Variants in PWWP2B observed in about 807,000 individuals in gnomAD.
PWWP2B encodes the protein PWWP domain containing 2B, also known as PWWP domain-containing protein 2B.
A neutral mutation model predicts 15.5 loss-of-function variants in PWWP2B; 9 were observed. That is an observed-to-expected ratio of 0.58 (90% CI 0.35 to 1.02). The LOEUF is 1.02. Among genes scored for constraint, PWWP2B ranks in the 50% least tolerant of loss-of-function variants. The probability of loss-of-function intolerance (pLI) is 0.02; values close to 1 mark genes in which losing one functional copy is unlikely to be tolerated. For missense variants in PWWP2B, 864 were observed against 865.3 expected (o/e 1.00, Z 0.02); for synonymous variants, 474 against 403.6 (o/e 1.17, Z -2.09).
chr10:132,404,466 C>T (rs1036944969), intron 1 of PWWP2B, among the ~76,000 whole-genome samples, 160 bp from the exon 2 acceptor site: 5 of 152,184 alleles, frequency 3.3e-5, no homozygotes, highest in African/African-American at 4.8e-5. Flanking sequence ...GGAGCATGGG[C>T]ATTGGTTTAC....
chr10:132,411,977 G>A lies in PWWP2B; in HGVS notation c.*17-5084G>A, dbSNP rs189017007. 5.4e-4 allele frequency among the ~76,000 whole-genome samples: 83 copies of A among 152,354 alleles called. 1 individual carries two copies. In the East Asian group the frequency reaches 0.015, roughly 28 times the overall value. On this transcript the variant is annotated intron_variant, in intron 2 of 2. Transcript: ENST00000305233. ...CCCACGTGAAGGTTGTAATTATTTT[G>A]TTCCAGAAGGAAACAGAGGCCTGTA...
In PWWP2B at chr10:132,404,803, AC is replaced by A; in HGVS notation, c.308del (p.Pro103ArgfsTer83). On this transcript the variant is annotated frameshift_variant, in exon 2 of 3. Coordinates refer to ENST00000305233, the MANE Select transcript of PWWP2B (RefSeq NM_138499.4). LOFTEE classifies it high-confidence loss of function. ...CCCCCGAGACCACCCGCCCCGAGCCACCCCCGCCCCTCGTGCCGCCGCTGCC... is the reference window on the plus strand; with the variant it reads ...CCCCCGAGACCACCCGCCCCGAGCCACCCCGCCCCTCGTGCCGCCGCTGCC... ...QPPETTRPEP[P>X]PPLVPPLPAG... is the part of the protein sequence containing the mutation. The A allele has an allele frequency of 5.3e-6, 4 of 760,002 alleles. No homozygotes were observed. The highest frequency in any genetic ancestry group is 7.4e-6 in the Non-Finnish European group (4 of 540,652). The allele number at this position is 760,002 out of a possible 1,614,324, so 47.1% of individuals were successfully genotyped here. A position where few individuals can be genotyped will look rare whatever the true frequency, so the allele number is the denominator to read the frequency against.
Position 132,406,038 on chromosome 10 carries a change from T to A in PWWP2B, c.1538T>A (p.Leu513His). The A allele has an allele frequency of 6.2e-7, 1 of 1,613,762 alleles. No individual in the cohort carries two copies. Among genetic ancestry groups the A allele is most frequent in the Non-Finnish European group, 8.5e-7 (1 of 1,179,956 alleles). The change falls in exon 2 of 3, where the codon CTC becomes CAC. Residue 513 changes from leucine (L) to histidine (H), a missense_variant. This residue lies in a region of PWWP2B where 128 missense variants were observed against 177.6 expected (regional missense o/e 0.72). Coordinates refer to ENST00000305233, the MANE Select transcript of PWWP2B (RefSeq NM_138499.4). ...CCGGCGCGTGTTCTTGACATCAGTC[T>A]CGGCCAGAAGGAGGACGGAGAGCCG... Reference protein sequence around the residue: ...WWPARVLDISLGQKEDGEPSW... With the variant: ...WWPARVLDISHGQKEDGEPSW...
In PWWP2B at chr10:132,417,428, C is replaced by T. The variant is rs1369312864; in HGVS notation, c.*384C>T. The T allele has an allele frequency of 3.4e-5, 12 of 349,314 alleles. No homozygotes were observed. The highest frequency in any genetic ancestry group is 1.5e-3 in the Middle Eastern group (2 of 1,292). 21.6% of individuals were successfully genotyped at this position (349,314 alleles called of 1,614,324 possible). ...GCTGGGGTCCCATGGAGGAACCAGG[C>T]CTGGCGCCCCGGCCTCGCCCAGCGG... On this transcript the variant is annotated 3_prime_UTR_variant, in exon 3 of 3. Transcript: ENST00000305233.
chr10:132,403,619 G>A (rs375589118), intron 1 of PWWP2B, among the ~76,000 whole-genome samples: 6 of 152,368 alleles, frequency 3.9e-5, no homozygotes, highest in South Asian at 4.1e-4. Flanking sequence ...ACTCTAGGAC[G>A]TGAGCTGCTT....
Position 132,417,294 on chromosome 10 carries a change from G to A in PWWP2B, c.*250G>A, listed in dbSNP as rs1293250211. The A allele has an allele frequency of 1.9e-5, 11 of 573,236 alleles. No individual in the cohort carries two copies. Among genetic ancestry groups the A allele is most frequent in the Non-Finnish European group, 2.8e-5 (9 of 323,064 alleles). The allele number at this position is 573,236 out of a possible 1,614,324, so 35.5% of individuals were successfully genotyped here. On this transcript the variant is annotated 3_prime_UTR_variant, in exon 3 of 3. Coordinates refer to ENST00000305233, the MANE Select transcript of PWWP2B (RefSeq NM_138499.4). ...TCAGCGCATGGCTGCCCTGGCTCAC[G>A]AGGCAGTCGGGACTCGTGACTTGCT...
In PWWP2B at chr10:132,417,199, C is replaced by T. The variant is rs1370532104; in HGVS notation, c.*155C>T. 17 of 1,093,686 alleles carry T rather than the reference C, an allele frequency of 1.6e-5. No individual in the cohort carries two copies. The highest frequency in any genetic ancestry group is 2.4e-5 in the Non-Finnish European group (17 of 716,892). 67.7% of individuals were successfully genotyped at this position (1,093,686 alleles called of 1,614,324 possible). A position where few individuals can be genotyped will look rare whatever the true frequency, so the allele number is the denominator to read the frequency against. On this transcript the variant is annotated 3_prime_UTR_variant, in exon 3 of 3. Transcript: ENST00000305233. ...TGGTGTGAGGCCCCCCGGGGACCGG[C>T]AGTGTGTCCAGGGAGGGGATGGCCC...
chr10:132,415,753 A>AC (rs1183522578), intron 2 of PWWP2B, among the ~76,000 whole-genome samples: 1 of 151,956 alleles, frequency 6.6e-6, no homozygotes, highest in South Asian at 2.1e-4. Context: ...ACACACACAC[A>AC]ATGTTTGGCT....
chr10:132,416,272 T>G (rs1293184768), intron 2 of PWWP2B, among the ~76,000 whole-genome samples: 1 of 152,048 alleles, frequency 6.6e-6, no homozygotes, highest in East Asian at 1.9e-4. Context: ...CGTGGCCCCG[T>G]GCACCCTCGG....
chr10:132,399,866 T>C (rs2069592553), intron 1 of PWWP2B, among the ~76,000 whole-genome samples: 1 of 152,218 alleles, frequency 6.6e-6, no homozygotes, highest in African/African-American at 2.4e-5. Context: ...GCGGAAGGGC[T>C]GGCCTGCCCC....
chr10:132,397,619 C>T (rs2069555066), intron 1 of PWWP2B, among the ~76,000 whole-genome samples: 1 of 151,908 alleles, frequency 6.6e-6, no homozygotes, highest in Non-Finnish European at 1.5e-5. Context: ...GGTCCCGGAA[C>T]TCCACACATC....
At chr10:132,415,932 CCT>C (rs750302668) in intron 2 of PWWP2B, among the ~76,000 whole-genome samples, 1 of 151,934 alleles carries the variant, frequency 6.6e-6, no homozygotes, top group Non-Finnish European at 1.5e-5. Flanking sequence ...GAAAGAATCC[CCT>C]CTTACATTCA....
rs911653247 is a variant in PWWP2B, at chr10:132,405,476, G to A, written c.976G>A (p.Ala326Thr). 2.5e-6 allele frequency: 4 copies of A among 1,605,148 alleles called. No individual in the cohort carries two copies. In the African/African-American group the frequency reaches 4.0e-5, roughly 16 times the overall value. Residue 326 changes from alanine (A) to threonine (T), a missense_variant, in exon 2 of 3, where the codon GCG becomes ACG. Transcript: ENST00000305233. Reference protein sequence around the residue: ...LKLTRPVPAGADLPPPKIRLK... With the variant: ...LKLTRPVPAGTDLPPPKIRLK... ...ACTGACACGGCCTGTGCCGGCCGGC[G>A]CGGACCTGCCGCCCCCTAAGATCCG...
In PWWP2B at chr10:132,397,304, C is replaced by T; in HGVS notation, c.78C>T (p.Ser26=). 1 of 1,430,266 alleles carries T rather than the reference C, an allele frequency of 7.0e-7. No individual in the cohort carries two copies. Among genetic ancestry groups the T allele is most frequent in the Non-Finnish European group, 9.2e-7 (1 of 1,082,072 alleles). The allele number at this position is 1,430,266 out of a possible 1,614,324, so 88.6% of individuals were successfully genotyped here. ...VVNGALVVTV[S]CGERSFAGIL... Reference sequence around the variant, plus strand: ...ACGGCGCGCTGGTGGTCACGGTGAGCTGCGGCGAGCGGAGCTTCGCGGGGA... The same window carrying T: ...ACGGCGCGCTGGTGGTCACGGTGAGTTGCGGCGAGCGGAGCTTCGCGGGGA... Residue 26 remains serine, a synonymous_variant, in exon 1 of 3, where the codon AGC becomes AGT. Transcript: ENST00000305233.
At chr10:132,401,896 CT>C (rs1447338359) in intron 1 of PWWP2B, among the ~76,000 whole-genome samples, 1 of 152,262 alleles carries the variant, frequency 6.6e-6, no homozygotes, top group East Asian at 1.9e-4. Context: ...CTGGGTTCCC[CT>C]ACCCGTCCCA....
chr10:132,397,262 G>T lies in PWWP2B; in HGVS notation c.36G>T (p.Arg12=). 7.3e-7 allele frequency: 1 copy of T among 1,365,630 alleles called. No homozygotes were observed. The highest frequency in any genetic ancestry group is 3.1e-5 in the East Asian group (1 of 32,252). The allele number at this position is 1,365,630 out of a possible 1,614,324, so 84.6% of individuals were successfully genotyped here. Residue 12 remains arginine, a synonymous_variant, in exon 1 of 3, where the codon CGG becomes CGT. Coordinates refer to ENST00000305233, the MANE Select transcript of PWWP2B (RefSeq NM_138499.4). ...GCGCCGGCTGCCGGCTGCCGGTGCGGGTGGAGCAGGTCGTCAACGGCGCGC... is the reference window on the plus strand; with the variant it reads ...GCGCCGGCTGCCGGCTGCCGGTGCGTGTGGAGCAGGTCGTCAACGGCGCGC... ...EPRAGCRLPV[R]VEQVVNGALV... is the part of the protein sequence containing the mutation.
chr10:132,400,116 G>A (rs2069596404), intron 1 of PWWP2B, among the ~76,000 whole-genome samples: 1 of 152,170 alleles, frequency 6.6e-6, no homozygotes, highest in Admixed American at 6.5e-5. Flanking sequence ...ACTGCTGGGG[G>A]CTGCTCTTGG....
intron 2 of PWWP2B, among the ~76,000 whole-genome samples, chr10:132,413,038 CTG>C (rs2069802538): frequency 1.3e-5 from 2 of 152,246 alleles, no homozygotes; most frequent in Admixed American, 1.3e-4. Context: ...TCTGGGCTCA[CTG>C]TGCGTTTTCT....
intron 1 of PWWP2B, among the ~76,000 whole-genome samples, chr10:132,399,311 G>C (rs563495537): frequency 6.6e-6 from 1 of 152,374 alleles, no homozygotes; most frequent in African/African-American, 2.4e-5. Context: ...CCACCTCAGG[G>C]AACCTGTGGG....
Sources: allele counts gnomAD v4.1 joint callset (sites outside exome capture counted in the v4.1 genomes callset), GRCh38; gene constraint gnomAD v4.1.1; regional missense constraint gnomAD v4.1.1; transcripts MANE v1.5; gene names NCBI Gene and HGNC (gene_info 2026-07-23, HGNC 2026-07-21).